Variants in MERTK observed in about 807,000 individuals in gnomAD.
MERTK encodes tyrosine-protein kinase Mer.
Under a neutral mutation model 99.3 loss-of-function variants are expected in MERTK, and 69 were observed. The observed-to-expected ratio is 0.70, with a 90% CI of 0.57 to 0.85. The LOEUF (loss-of-function observed/expected upper bound fraction) is 0.85. MERTK is among the 40% of genes least tolerant of loss of function. The pLI, the probability that MERTK is intolerant of heterozygous loss-of-function variation, is 0.00. For missense variants in MERTK, 1,125 were observed against 1,249.4 expected (o/e 0.90, Z 1.50); for synonymous variants, 426 against 467.6 (o/e 0.91, Z 1.15).
At position 111,965,276 on chromosome 2, in the gene MERTK, AG is replaced by A. The variant is rs1204308152; in HGVS notation, c.844+1del. Reference protein sequence around the residue: ...VSKGVQINIKAIPSPPTEVSI... With the variant: ...VSKGVQINIKXIPSPPTEVSI... ...CCAAGGGAGTGCAGATCAACATCAA[AG>A]GTAAGCAGCAAGGCTAGGCTCCCCA... On this transcript the variant is annotated frameshift_variant and splice_region_variant, in exon 5 of 19. Transcript: ENST00000295408. LOFTEE classifies it high-confidence loss of function. The A allele has an allele frequency of 6.2e-7, 1 of 1,614,084 alleles. No individual in the cohort carries two copies. Among genetic ancestry groups the A allele is most frequent in the East Asian group, 2.2e-5 (1 of 44,878 alleles).
At position 112,008,403 on chromosome 2, in the gene MERTK, G is replaced by A; in HGVS notation, c.1888G>A (p.Glu630Lys). The A allele has an allele frequency of 6.2e-7, 1 of 1,613,850 alleles. No individual in the cohort carries two copies. ...TMKLDNSSQR[E>K]IEEFLSEAAC... is the part of the protein sequence containing the mutation. ...TCTAGTGGACAACTCTTCACAGCGGGAGATCGAGGAGTTTCTCAGTGAGGC... is the reference window on the plus strand; with the variant it reads ...TCTAGTGGACAACTCTTCACAGCGGAAGATCGAGGAGTTTCTCAGTGAGGC... Residue 630 changes from glutamate to lysine, a missense_variant, in exon 14 of 19, where the codon GAG becomes AAG. By Grantham distance (56) the Glu-to-Lys change is moderately conservative. Transcript: ENST00000295408.
chr2:111,989,683 G>A (rs1319633016), intron 8 of MERTK, among the ~76,000 whole-genome samples: 1 of 152,114 alleles, frequency 6.6e-6, no homozygotes, highest in African/African-American at 2.4e-5. Flanking sequence ...AAGTAGTTGG[G>A]GATATTTAAG....
chr2:111,968,772 G>A (rs1398375808), intron 6 of MERTK, among the ~76,000 whole-genome samples: 4 of 151,878 alleles, frequency 2.6e-5, no homozygotes, highest in Admixed American at 6.6e-5. Context: ...CAAGTGATCC[G>A]CCCGCCTCGG....
At chr2:111,967,753 C>T (rs900515960) in intron 5 of MERTK, among the ~76,000 whole-genome samples, 1 of 152,186 alleles carries the variant, frequency 6.6e-6, no homozygotes, top group Non-Finnish European at 1.5e-5. Context: ...ATGTGCTCCA[C>T]GAGGGCAGGG....
rs936199077 is a variant in MERTK, at chr2:111,937,570, C to T, written c.483-7390C>T. On this transcript the variant is annotated intron_variant, in intron 2 of 18. Transcript: ENST00000295408. ...TGTGGATGCTGTGTTTTCGGGGCCC[C>T]CATGGGCTCTCTGTGCTGGGCTTTT... 5.9e-5 allele frequency among the ~76,000 whole-genome samples: 9 copies of T among 152,142 alleles called. 1 individual carries two copies. The highest frequency in any genetic ancestry group is 5.9e-4 in the Admixed American group (9 of 15,270).
chr2:111,958,573 C>T (rs1685189714), intron 4 of MERTK, among the ~76,000 whole-genome samples: 1 of 152,326 alleles, frequency 6.6e-6, no homozygotes, highest in Middle Eastern at 3.4e-3. Context: ...TGACCTTGTA[C>T]ACTGTTTTAA....
At chr2:111,967,775 T>G (rs1297042727) in intron 5 of MERTK, among the ~76,000 whole-genome samples, 1 of 152,156 alleles carries the variant, frequency 6.6e-6, no homozygotes, top group Non-Finnish European at 1.5e-5. Context: ...TATGACTCTG[T>G]CTCTGTTTAG....
Position 111,950,070 on chromosome 2 carries a change from C to T in MERTK, c.757+2503C>T, listed in dbSNP as rs965369353. ...CTCCTGCCTCAGCCTCCTGAGTAGC[C>T]GAATTACAGGCACCTGCCACTACGC... On this transcript the variant is annotated intron_variant, in intron 4 of 18. Coordinates refer to ENST00000295408, the MANE Select transcript of MERTK (RefSeq NM_006343.3). Among the ~76,000 whole-genome samples, 36 of 152,046 alleles carry T rather than the reference C, an allele frequency of 2.4e-4. 1 individual carries two copies. The highest frequency in any genetic ancestry group is 7.5e-4 in the African/African-American group (31 of 41,468).
At chr2:111,980,766 T>G (rs1428836620) in intron 7 of MERTK, among the ~76,000 whole-genome samples, 1 of 152,188 alleles carries the variant, frequency 6.6e-6, no homozygotes, top group Non-Finnish European at 1.5e-5. Flanking sequence ...TTTCCAGTTT[T>G]AGTCCCCATT....
chr2:111,929,171 C>G lies in MERTK; in HGVS notation c.113C>G (p.Pro38Arg). Residue 38 changes from proline to arginine, a missense_variant, in exon 2 of 19, where the codon CCT becomes CGT. Pro to Arg is a moderately radical substitution (Grantham distance 103). Transcript: ENST00000295408. ...EAKPYPLFPG[P>R]FPGSLQTDHT... ...AAGCCTTACCCGCTATTCCCGGGACCTTTTCCAGGGAGCCTGCAAACTGAC... is the reference window on the plus strand; with the variant it reads ...AAGCCTTACCCGCTATTCCCGGGACGTTTTCCAGGGAGCCTGCAAACTGAC... The G allele has an allele frequency of 6.2e-7, 1 of 1,614,174 alleles. No homozygotes were observed. The highest frequency in any genetic ancestry group is 1.3e-5 in the African/African-American group (1 of 75,048).
intron 6 of MERTK, among the ~76,000 whole-genome samples, chr2:111,970,887 C>G (rs942769035): frequency 6.8e-6 from 1 of 147,372 alleles, no homozygotes; most frequent in Non-Finnish European, 1.5e-5. Context: ...TCTTCTTGTT[C>G]TTTTCTTGGA....
chr2:111,947,683 G>T, intron 4 of MERTK, 116 bp downstream of exon 4: 3 of 1,259,234 alleles, frequency 2.4e-6, no homozygotes, highest in Non-Finnish European at 3.4e-6. Flanking sequence ...AAATACAGGT[G>T]TGGCAGCAAA....
chr2:111,985,640 G>A (rs1342543017), intron 8 of MERTK, among the ~76,000 whole-genome samples: 1 of 152,160 alleles, frequency 6.6e-6, no homozygotes, highest in Admixed American at 6.5e-5. Context: ...ATGGCAGGAG[G>A]CAGAGAAGGA....
At position 112,028,825 on chromosome 2, in the gene MERTK, T is replaced by G; in HGVS notation, c.2961T>G (p.Phe987Leu). The change falls in exon 19 of 19, where the codon TTT becomes TTG. Residue 987 changes from phenylalanine (F) to leucine (L), a missense_variant. Transcript: ENST00000295408. Reference protein sequence around the residue: ...LGSSLPDELLFADDSSEGSEV... With the variant: ...LGSSLPDELLLADDSSEGSEV... ...GCTCATTGCCCGATGAACTTTTGTT[T>G]GCTGACGACTCCTCAGAAGGCTCAG... The G allele has an allele frequency of 1.2e-6, 2 of 1,614,050 alleles. No homozygotes were observed. Among genetic ancestry groups the G allele is most frequent in the Non-Finnish European group, 1.7e-6 (2 of 1,180,030 alleles).
intron 6 of MERTK, among the ~76,000 whole-genome samples, chr2:111,968,776 G>A (rs561353322): frequency 1.3e-5 from 2 of 152,154 alleles, no homozygotes; most frequent in South Asian, 4.1e-4. Context: ...TGATCCGCCC[G>A]CCTCGGCCTC....
chr2:111,936,197 T>G (rs571196561), intron 2 of MERTK, among the ~76,000 whole-genome samples: 1 of 152,292 alleles, frequency 6.6e-6, no homozygotes, highest in East Asian at 1.9e-4. Context: ...ATTATAGGCA[T>G]GAGCCACTGC....
rs1677029623 is a variant in MERTK at position 112,008,426 on chromosome 2, G to A, written c.1911G>A (p.Glu637=). 6.2e-7 allele frequency: 1 copy of A among 1,614,036 alleles called. No homozygotes were observed. Among genetic ancestry groups the A allele is most frequent in the Admixed American group, 1.7e-5 (1 of 59,994 alleles). Residue 637 remains glutamate (E), a synonymous_variant, in exon 14 of 19, where the codon GAG becomes GAA. Coordinates refer to ENST00000295408, the MANE Select transcript of MERTK (RefSeq NM_006343.3). ...GGGAGATCGAGGAGTTTCTCAGTGA[G>A]GCAGCGTGCATGAAAGACTTCAGCC... ...SQREIEEFLS[E]AACMKDFSHP...
chr2:111,994,890 C>T (rs1676704001), intron 9 of MERTK, among the ~76,000 whole-genome samples: 1 of 151,982 alleles, frequency 6.6e-6, no homozygotes, highest in Non-Finnish European at 1.5e-5. Flanking sequence ...ACCCATAGGT[C>T]CCTCCTATAG....
intron 13 of MERTK, among the ~76,000 whole-genome samples, chr2:112,004,280 A>G (rs987905781): frequency 3.3e-5 from 5 of 151,738 alleles, no homozygotes; most frequent in African/African-American, 1.2e-4. Flanking sequence ...ACTCTCATCT[A>G]GTAGAGCTAA....
Sources: allele counts gnomAD v4.1 joint callset (sites outside exome capture counted in the v4.1 genomes callset), GRCh38; gene constraint gnomAD v4.1.1; transcripts MANE v1.5; gene names NCBI Gene and HGNC (gene_info 2026-07-23, HGNC 2026-07-21).